The following KCNMB2 variants were observed in gnomAD, a reference collection of about 807,000 sequenced individuals.
The protein encoded by KCNMB2 is calcium-activated potassium channel subunit beta-2.
KCNMB2 carries 9 observed loss-of-function variants against 24.5 expected under a neutral mutation model. The observed-to-expected ratio is 0.37, with a 90% CI of 0.22 to 0.64. The LOEUF is 0.64. KCNMB2 is among the 30% of genes least tolerant of loss of function. KCNMB2 has a pLI of 0.63. For synonymous variants in KCNMB2, 109 were observed against 104.4 expected (o/e 1.04, Z -0.27); for missense variants, 226 against 284.3 (o/e 0.79, Z 1.47).
chr3:178,548,131 C>T (rs544177672), intron 1 of KCNMB2, among the ~76,000 whole-genome samples: 1 of 152,178 alleles, frequency 6.6e-6, no homozygotes, highest in Admixed American at 6.5e-5. Context: ...TCAACTCTAC[C>T]CTCATATTTT....
intron 1 of KCNMB2, among the ~76,000 whole-genome samples, chr3:178,675,419 G>A (rs1721038282): frequency 6.6e-6 from 1 of 152,154 alleles, no homozygotes; most frequent in South Asian, 2.1e-4. Flanking sequence ...GTTCAGTTTA[G>A]AGGGATGAAC....
chr3:178,557,855 T>C (rs1716177541), intron 1 of KCNMB2, among the ~76,000 whole-genome samples: 1 of 152,112 alleles, frequency 6.6e-6, no homozygotes, highest in Non-Finnish European at 1.5e-5. Context: ...TCAGAGACAT[T>C]CTGTGATTTG....
chr3:178,757,663 T>TAA (rs1724165872), intron 1 of KCNMB2, among the ~76,000 whole-genome samples: 1 of 42,154 alleles, frequency 2.4e-5, no homozygotes, highest in Non-Finnish European at 4.3e-5. Context: ...TATATATATA[T>TAA]GTATATATAT....
chr3:178,696,980 T>A (rs1316836665), intron 1 of KCNMB2, among the ~76,000 whole-genome samples: 1 of 152,230 alleles, frequency 6.6e-6, no homozygotes, highest in East Asian at 1.9e-4. Flanking sequence ...TTGTTAGTTA[T>A]CATTTCAATT....
chr3:178,807,735 T>C (rs2108452523), intron 2 of KCNMB2, among the ~76,000 whole-genome samples: 1 of 152,216 alleles, frequency 6.6e-6, no homozygotes, highest in East Asian at 1.9e-4. Context: ...CAGCTCTGCT[T>C]TCAGATATCA....
chr3:178,839,848 GAGCCAAACCAT>G (rs1476562965), intron 4 of KCNMB2, among the ~76,000 whole-genome samples: 1 of 152,138 alleles, frequency 6.6e-6, no homozygotes, highest in East Asian at 1.9e-4. Flanking sequence ...TGGAGACACA[GAGCCAAACCAT>G]ATCATTCTGC....
At position 178,695,459 on chromosome 3, in the gene KCNMB2, C is replaced by T. The variant is rs941812250; in HGVS notation, c.-67-111884C>T. Among the ~76,000 whole-genome samples the T allele has an allele frequency of 5.0e-4, 76 of 152,170 alleles. 1 individual carries two copies. The highest frequency in any genetic ancestry group is 1.8e-3 in the African/African-American group (75 of 41,444). On this transcript the variant is annotated intron_variant, in intron 1 of 4. Transcript: ENST00000452583. ...CGAAGTGGGTTTTCTTTTCTACTGC[C>T]TCATCAGGCTGCAAATTTTCCAAAC...
At chr3:178,793,056 T>C (rs1475698072) in intron 1 of KCNMB2, among the ~76,000 whole-genome samples, 1 of 152,214 alleles carries the variant, frequency 6.6e-6, no homozygotes, top group Non-Finnish European at 1.5e-5. Context: ...ACAGTGCCCA[T>C]GTTCTGCTGC....
At chr3:178,768,657 C>T (rs1331651614) in intron 1 of KCNMB2, among the ~76,000 whole-genome samples, 3 of 152,138 alleles carry the variant, frequency 2.0e-5, no homozygotes, top group African/African-American at 7.2e-5. Flanking sequence ...ACTCTCAGGA[C>T]ACCTGCTTTG....
At chr3:178,654,735 G>A (rs951058824) in intron 1 of KCNMB2, among the ~76,000 whole-genome samples, 3 of 152,224 alleles carry the variant, frequency 2.0e-5, no homozygotes, top group Non-Finnish European at 4.4e-5. Flanking sequence ...CACAAGAGGC[G>A]AGGACATTTT....
intron 1 of KCNMB2, among the ~76,000 whole-genome samples, chr3:178,778,478 A>G (rs1193484372): frequency 5.8e-5 from 4 of 69,392 alleles, no homozygotes; most frequent in Admixed American, 1.3e-4. Flanking sequence ...ACACACACAC[A>G]CACACACACA....
chr3:178,588,144 A>G (rs1717526112), intron 1 of KCNMB2, among the ~76,000 whole-genome samples: 1 of 152,092 alleles, frequency 6.6e-6, no homozygotes, highest in African/African-American at 2.4e-5. Flanking sequence ...GGCAGGTAAC[A>G]GAGCACCTGT....
At chr3:178,585,835 G>T (rs1717409676) in intron 1 of KCNMB2, among the ~76,000 whole-genome samples, 1 of 152,154 alleles carries the variant, frequency 6.6e-6, no homozygotes, top group Admixed American at 6.5e-5. Context: ...GCACTATTGG[G>T]AGAGAAAATA....
intron 1 of KCNMB2, among the ~76,000 whole-genome samples, chr3:178,670,408 T>C (rs533104282): frequency 9.1e-5 from 12 of 132,280 alleles, no homozygotes; most frequent in African/African-American, 3.7e-4. Flanking sequence ...AAGAAAATTT[T>C]AAAACTGGGA....
intron 1 of KCNMB2, among the ~76,000 whole-genome samples, chr3:178,727,484 C>T (rs1723002775): frequency 6.6e-6 from 1 of 152,038 alleles, no homozygotes; most frequent in Non-Finnish European, 1.5e-5. Context: ...AGTTAATAAC[C>T]TTGAGATTTG....
intron 1 of KCNMB2, among the ~76,000 whole-genome samples, chr3:178,755,708 A>G (rs1460440150): frequency 6.6e-6 from 1 of 152,180 alleles, no homozygotes; most frequent in Admixed American, 6.5e-5. Context: ...TTTTTTTCAA[A>G]AAAACTTTCG....
intron 1 of KCNMB2, among the ~76,000 whole-genome samples, chr3:178,692,847 C>A (rs1373977627): frequency 6.6e-6 from 1 of 152,118 alleles, no homozygotes; most frequent in South Asian, 2.1e-4. Flanking sequence ...GGCACTATGG[C>A]CATTTTAATG....
chr3:178,652,852 G>A (rs998433814), intron 1 of KCNMB2, among the ~76,000 whole-genome samples: 64 of 151,842 alleles, frequency 4.2e-4, no homozygotes, highest in African/African-American at 1.4e-3. Context: ...TAATAGTGAC[G>A]AGGTTTCACC....
At chr3:178,773,178 G>T (rs1487023789) in intron 1 of KCNMB2, among the ~76,000 whole-genome samples, 1 of 152,110 alleles carries the variant, frequency 6.6e-6, no homozygotes, top group Admixed American at 6.5e-5. Flanking sequence ...GTAGGAAAAA[G>T]GTAGAAAGGC....
Sources: allele counts gnomAD v4.1 joint callset (sites outside exome capture counted in the v4.1 genomes callset), GRCh38; gene constraint gnomAD v4.1.1; transcripts MANE v1.5; gene names NCBI Gene and HGNC (gene_info 2026-07-23, HGNC 2026-07-21).